ERC2: variants seen among roughly 807,000 people sequenced by gnomAD.
ERC2 encodes the protein ELKS/RAB6-interacting/CAST family member 2.
A neutral mutation model predicts 114.8 loss-of-function variants in ERC2; 42 were observed. The ratio of observed to expected loss-of-function variants is 0.37; its 90% CI spans 0.29 to 0.47. The LOEUF (loss-of-function observed/expected upper bound fraction) is 0.47. Ranked by LOEUF, ERC2 falls within the 20% of genes least tolerant of loss-of-function variation. The pLI is 0.99. For synonymous variants in ERC2, 454 were observed against 425.5 expected (o/e 1.07, Z -0.82); for missense variants, 939 against 1,150.7 (o/e 0.82, Z 2.66).
intron 8 of ERC2, among the ~76,000 whole-genome samples, chr3:56,015,385 C>T (rs568439514): frequency 1.2e-4 from 18 of 150,748 alleles, no homozygotes; most frequent in African/African-American, 4.4e-4. Context: ...CAACAGGCCC[C>T]AGTGTGTGTT....
At chr3:55,975,070 C>T (rs1415995577) in intron 12 of ERC2, among the ~76,000 whole-genome samples, 1 of 152,112 alleles carries the variant, frequency 6.6e-6, no homozygotes, top group Admixed American at 6.5e-5. Flanking sequence ...AAGTTTGAAT[C>T]CTGGCTCCAC....
chr3:56,243,567 C>A (rs2051467939), intron 3 of ERC2, among the ~76,000 whole-genome samples: 1 of 152,112 alleles, frequency 6.6e-6, no homozygotes, highest in African/African-American at 2.4e-5. Flanking sequence ...GAACACAGTC[C>A]TTTGGATCCC....
At chr3:55,705,535 C>T (rs1163055798) in intron 15 of ERC2, among the ~76,000 whole-genome samples, 1 of 152,144 alleles carries the variant, frequency 6.6e-6, no homozygotes, top group Non-Finnish European at 1.5e-5. Context: ...TAAGACAGAG[C>T]CACAGCCATA....
chr3:56,214,614 C>A (rs1264729973), intron 3 of ERC2, among the ~76,000 whole-genome samples: 7 of 151,770 alleles, frequency 4.6e-5, no homozygotes, highest in Non-Finnish European at 1.0e-4. Context: ...CAAGGCAGGC[C>A]AACATTCACA....
At chr3:55,609,255 C>A (rs1409028778) in intron 17 of ERC2, among the ~76,000 whole-genome samples, 4 of 152,138 alleles carry the variant, frequency 2.6e-5, no homozygotes, top group Non-Finnish European at 5.9e-5. Flanking sequence ...TTATTTAATT[C>A]ACCTGCACGG....
intron 17 of ERC2, among the ~76,000 whole-genome samples, chr3:55,539,320 A>G (rs2054209369): frequency 6.6e-6 from 1 of 150,942 alleles, no homozygotes; most frequent in Non-Finnish European, 1.5e-5. Flanking sequence ...TCTGAGAAAT[A>G]GCATATATTT....
At chr3:55,696,472 G>C (rs2062935494) in intron 16 of ERC2, among the ~76,000 whole-genome samples, 3 of 152,274 alleles carry the variant, frequency 2.0e-5, no homozygotes, top group Non-Finnish European at 2.9e-5. Flanking sequence ...TGAACATTTA[G>C]TTAAAATCTC....
intron 14 of ERC2, among the ~76,000 whole-genome samples, chr3:55,839,617 T>C (rs2061044111): frequency 6.6e-6 from 1 of 151,920 alleles, no homozygotes; most frequent in African/African-American, 2.4e-5. Context: ...TATAATATTA[T>C]TTGAAGATAG....
chr3:55,697,046 C>A (rs946806552), intron 16 of ERC2, among the ~76,000 whole-genome samples: 1 of 152,160 alleles, frequency 6.6e-6, no homozygotes, highest in African/African-American at 2.4e-5. Context: ...CTTTTATCTG[C>A]CTTGTTCTGA....
intron 14 of ERC2, among the ~76,000 whole-genome samples, chr3:55,793,134 T>G (rs2070189603): frequency 6.6e-6 from 1 of 152,306 alleles, no homozygotes; most frequent in Non-Finnish European, 1.5e-5. Context: ...GCGCAATCTC[T>G]GCTCACTGCA....
At chr3:55,998,610 G>A (rs543458682) in intron 10 of ERC2, among the ~76,000 whole-genome samples, 12 of 152,076 alleles carry the variant, frequency 7.9e-5, no homozygotes, top group Admixed American at 7.2e-4. Context: ...AGAGTGAGTC[G>A]AATACTTTTC....
rs555898423 is a variant in ERC2 at position 56,419,188 on chromosome 3, G to A, written c.657+15163C>T. Among the ~76,000 whole-genome samples the A allele has an allele frequency of 7.9e-5, 12 of 151,704 alleles. No homozygotes were observed. The East Asian group carries it at 2.0e-3, about 25-fold the overall frequency. On this transcript the variant is annotated intron_variant, in intron 2 of 17. Transcript: ENST00000288221. ...ATATAACTGGGAACATGATAGGTACGTAATTAACCCTCACTTGATAATTCA... is the reference window on the plus strand; with the variant it reads ...ATATAACTGGGAACATGATAGGTACATAATTAACCCTCACTTGATAATTCA...
intron 3 of ERC2, among the ~76,000 whole-genome samples, chr3:56,225,801 G>C (rs2050211113): frequency 2.0e-5 from 3 of 152,150 alleles, no homozygotes; most frequent in African/African-American, 7.2e-5. Flanking sequence ...GGGAAAGGAA[G>C]TCCTATGTTC....
At chr3:56,209,946 C>T (rs2048958910) in intron 3 of ERC2, among the ~76,000 whole-genome samples, 1 of 152,094 alleles carries the variant, frequency 6.6e-6, no homozygotes, top group African/African-American at 2.4e-5. Flanking sequence ...TGACAACATA[C>T]TACAGTATAA....
chr3:55,849,284 G>C (rs974101259), intron 14 of ERC2, among the ~76,000 whole-genome samples: 1 of 152,128 alleles, frequency 6.6e-6, no homozygotes, highest in Non-Finnish European at 1.5e-5. Flanking sequence ...GACTGATCTG[G>C]ACATGTAGGA....
chr3:56,326,163 A>T (rs1011706882), intron 2 of ERC2, among the ~76,000 whole-genome samples: 2 of 152,206 alleles, frequency 1.3e-5, no homozygotes, highest in Non-Finnish European at 2.9e-5. Flanking sequence ...GAGCCAGGCA[A>T]TGGAGGAGGC....
intron 4 of ERC2, among the ~76,000 whole-genome samples, chr3:56,164,967 T>C (rs1476326031): frequency 6.6e-6 from 1 of 152,076 alleles, no homozygotes; most frequent in Non-Finnish European, 1.5e-5. Flanking sequence ...AATTATTTTT[T>C]CTTTATTTTT....
At chr3:56,321,535 G>T (rs748103687) in intron 2 of ERC2, among the ~76,000 whole-genome samples, 3 of 152,164 alleles carry the variant, frequency 2.0e-5, no homozygotes, top group Non-Finnish European at 4.4e-5. Flanking sequence ...GGGAACACAA[G>T]GGGGAGGCTT....
chr3:55,966,340 C>T (rs912838747), intron 12 of ERC2, among the ~76,000 whole-genome samples: 3 of 152,188 alleles, frequency 2.0e-5, no homozygotes, highest in South Asian at 2.1e-4. Flanking sequence ...CTAGTTTCCA[C>T]CTGGATGGCA....
Sources: allele counts gnomAD v4.1 joint callset (sites outside exome capture counted in the v4.1 genomes callset), GRCh38; gene constraint gnomAD v4.1.1; transcripts MANE v1.5; gene names NCBI Gene and HGNC (gene_info 2026-07-23, HGNC 2026-07-21).